Variants in MAGEA10 observed in about 807,000 individuals in gnomAD.
MAGEA10 encodes MAGE family member A10, also known as melanoma-associated antigen 10.
In MAGEA10, 7 loss-of-function variants were observed where a neutral mutation model predicts 8.6. The ratio of observed to expected loss-of-function variants is 0.82; its 90% CI spans 0.46 to 1.53. The LOEUF (loss-of-function observed/expected upper bound fraction) is 1.53, where lower values mean the gene tolerates loss of function less well. Ranked by LOEUF, MAGEA10 falls within the 40% of genes most tolerant of loss-of-function variation. MAGEA10 has a pLI of 0.01. For missense variants in MAGEA10, 293 were observed against 274.0 expected, an observed-to-expected ratio of 1.07 and a Z score of -0.49; for synonymous variants, 125 against 107.4, an observed-to-expected ratio of 1.16 and a Z score of -1.02.
At position 152,135,271 on chromosome X, in the gene MAGEA10, G is replaced by T. The variant is rs374907730; in HGVS notation, c.350C>A (p.Pro117Gln). Residue 117 changes from proline (P) to glutamine (Q), a missense_variant, in exon 4 of 4, where the codon CCA becomes CAA. Transcript: ENST00000370323. The stretch of plus-strand genomic sequence containing the variant: ...GTCTGGCAGGACCTGTAGGGTGCTT[G>T]GACTCTCCTCCTTTTGGCTGCTGGA... ...EGSSSQKEESPSTLQVLPDSE... is the reference protein window; with the variant it reads ...EGSSSQKEESQSTLQVLPDSE... The T allele has an allele frequency of 3.9e-5, 47 of 1,208,994 alleles. 1 individual carries two copies. The highest frequency in any genetic ancestry group is 3.3e-4 in the East Asian group (11 of 33,719).
rs1176582023 is a variant in MAGEA10 at position 152,134,847 on chromosome X, C to T, written c.774G>A (p.Gly258=). The T allele has an allele frequency of 2.5e-6, 3 of 1,209,450 alleles. No individual in the cohort carries two copies. The highest frequency in any genetic ancestry group is 2.2e-6 in the Non-Finnish European group (2 of 895,041). The change falls in exon 4 of 4, where the codon GGG becomes GGA. Residue 258 remains glycine, a synonymous_variant. Coordinates refer to ENST00000370323, the MANE Select transcript of MAGEA10 (RefSeq NM_021048.5). ...EALNMMGLYD[G]MEHLIYGEPR... is the part of the protein sequence containing the mutation. The stretch of plus-strand genomic sequence containing the variant: ...GCTCCCCATAAATGAGGTGCTCCAT[C>T]CCATCATACAGCCCCATCATATTCA...
rs916219815 is a variant in MAGEA10 at position 152,135,470 on chromosome X, A to C, written c.151T>G (p.Ser51Ala). Residue 51 changes from serine (S) to alanine (A), a missense_variant, in exon 4 of 4, where the codon TCT becomes GCT. By Grantham distance (99) the Ser-to-Ala change is moderately conservative (BLOSUM62 1). Coordinates refer to ENST00000370323, the MANE Select transcript of MAGEA10 (RefSeq NM_021048.5). The part of the protein sequence containing the change: ...STSTSSSFPS[S>A]FPSSSSSSSS... Reference sequence around the variant, plus strand: ...GAGGAAGAGGAGGAGGAGGGAAAAGAGGATGGAAAAGAGGAGCTGGTGGAA... The same window carrying C: ...GAGGAAGAGGAGGAGGAGGGAAAAGCGGATGGAAAAGAGGAGCTGGTGGAA... The C allele has an allele frequency of 2.5e-6, 3 of 1,197,757 alleles. No homozygotes were observed. The African/African-American group carries it at 5.3e-5, about 21-fold the overall frequency.
In MAGEA10 at chrX:152,135,438, G is replaced by GGAGGAGGAGGAA. The variant is rs1221641543; in HGVS notation, c.171_182dup (p.Ser59_Ser62dup). On this transcript the variant is annotated inframe_insertion, in exon 4 of 4. Transcript: ENST00000370323. ...TGCTTGGTATTAGAGGATAGCAGGA[G>GGAGGAGGAGGAA]GAGGAGGAGGAAGAGGAGGAGGAGG... 8.4e-7 allele frequency: 1 copy of GGAGGAGGAGGAA among 1,191,765 alleles called. No individual in the cohort carries two copies. Among genetic ancestry groups the GGAGGAGGAGGAA allele is most frequent in the African/African-American group, 1.8e-5 (1 of 56,525 alleles).
rs1289628048 is a variant in MAGEA10 at position 152,135,175 on chromosome X, T to C, written c.446A>G (p.Tyr149Cys). The C allele has an allele frequency of 8.3e-7, 1 of 1,209,960 alleles. No individual in the cohort carries two copies. ...CTTTGTGATCGGCTCCTTCATTTGA[T>C]ACTTGAAGAGCAGAAACTGCACCAA... ...TDLVQFLLFK[Y>C]QMKEPITKAE... The change falls in exon 4 of 4, where the codon TAT becomes TGT. Residue 149 changes from tyrosine (Y) to cysteine (C), a missense_variant. Coordinates refer to ENST00000370323, the MANE Select transcript of MAGEA10 (RefSeq NM_021048.5).
In MAGEA10 at chrX:152,134,877, T is replaced by C. The variant is rs1360672022; in HGVS notation, c.744A>G (p.Glu248=). The C allele has an allele frequency of 8.3e-7, 1 of 1,209,268 alleles. No homozygotes were observed. The highest frequency in any genetic ancestry group is 1.8e-5 in the African/African-American group (1 of 56,907). Residue 248 remains glutamate, a synonymous_variant, in exon 4 of 4, where the codon GAA becomes GAG. Coordinates refer to ENST00000370323, the MANE Select transcript of MAGEA10 (RefSeq NM_021048.5). ...CATACAGCCCCATCATATTCAGTGC[T>C]TCCCAGATGACCTCCTCAGGGGTGC... ...GYCTPEEVIW[E]ALNMMGLYDG...
intron 1 of MAGEA10, among the ~76,000 whole-genome samples, chrX:152,137,680 G>A (rs963151530): frequency 9.2e-6 from 1 of 108,875 alleles, no homozygotes; most frequent in South Asian, 4.1e-4. Context: ...TCTGAGATGC[G>A]GGGATCTGCT....
At chrX:152,137,635 G>A (rs1487331942) in intron 1 of MAGEA10, among the ~76,000 whole-genome samples, 1 of 109,969 alleles carries the variant, frequency 9.1e-6, no homozygotes, top group African/African-American at 3.3e-5. Flanking sequence ...CCTGCCTGGG[G>A]TTCCAGAGCT....
rs951092474 is a variant in MAGEA10, at chrX:152,136,904, T to C, written c.-173A>G. ...TTGTCAGATCCTGCGACCCACTGTGTCTGTAGAAAAGAGGGGTTCCCTGTG... is the reference window on the plus strand; with the variant it reads ...TTGTCAGATCCTGCGACCCACTGTGCCTGTAGAAAAGAGGGGTTCCCTGTG... On this transcript the variant is annotated 5_prime_UTR_variant, in exon 2 of 4. Coordinates refer to ENST00000370323, the MANE Select transcript of MAGEA10 (RefSeq NM_021048.5). The C allele has an allele frequency of 9.0e-6, 1 of 111,393 alleles. No individual in the cohort carries two copies. Among genetic ancestry groups the C allele is most frequent in the Non-Finnish European group, 1.9e-5 (1 of 53,011 alleles). The allele number at this position is 111,393 out of a possible 1,213,427, so 9.2% of individuals were successfully genotyped here.
In MAGEA10 at chrX:152,135,346, G is replaced by A. The variant is rs1185001990; in HGVS notation, c.275C>T (p.Ser92Phe). 5.0e-6 allele frequency: 6 copies of A among 1,208,044 alleles called. No homozygotes were observed. Among genetic ancestry groups the A allele is most frequent in the African/African-American group, 1.8e-5 (1 of 56,865 alleles). The part of the protein sequence containing the change: ...NPPQSAQIAC[S>F]SPSVVASLPL... The stretch of plus-strand genomic sequence containing the variant: ...AAGGGAAGCAACGACCGAGGGGGAG[G>A]AGCAGGCTATCTGAGCACTCTGGGG... Residue 92 changes from serine (S) to phenylalanine (F), a missense_variant, in exon 4 of 4, where the codon TCC (serine) becomes TTC (phenylalanine). Ser to Phe is a radical substitution (Grantham distance 155, BLOSUM62 -2). Transcript: ENST00000370323.
In MAGEA10 at chrX:152,134,607, T is replaced by G. The variant is rs756735659; in HGVS notation, c.1014A>C (p.Glu338Asp). 45 of 1,206,805 alleles carry G rather than the reference T, an allele frequency of 3.7e-5. No homozygotes were observed. The South Asian group carries it at 7.8e-4, about 21-fold the overall frequency. Residue 338 changes from glutamate to aspartate, a missense_variant, in exon 4 of 4, where the codon GAA becomes GAC. Coordinates refer to ENST00000370323, the MANE Select transcript of MAGEA10 (RefSeq NM_021048.5). ...TGGCAATTCTGTCCTGGGCTCTCTC[T>G]TCCTCATCTTTCAAAGCCTCCTCAT... ...LWYEEALKDE[E>D]ERAQDRIATT...
In MAGEA10 at chrX:152,134,994, G is replaced by A; in HGVS notation, c.627C>T (p.Leu209=). The A allele has an allele frequency of 8.3e-7, 1 of 1,211,664 alleles. No homozygotes were observed. The highest frequency in any genetic ancestry group is 3.0e-5 in the East Asian group (1 of 33,828). The part of the protein sequence containing the change: ...HSFVLVTSLG[L]TYDGMLSDVQ... ...CATCACTCAGCATCCCATCATAGGT[G>A]AGGCCCAGGGAGGTGACAAGGACAA... is the stretch of plus-strand genomic sequence containing the variant. The change falls in exon 4 of 4, where the codon CTC becomes CTT. Residue 209 remains leucine, a synonymous_variant. Coordinates refer to ENST00000370323, the MANE Select transcript of MAGEA10 (RefSeq NM_021048.5).
At position 152,133,537 on chromosome X, in the gene MAGEA10, A is replaced by C. The variant is rs1261577415; in HGVS notation, c.*974T>G. The C allele has an allele frequency of 8.9e-6, 1 of 112,225 alleles. No individual in the cohort carries two copies. Among genetic ancestry groups the C allele is most frequent in the African/African-American group, 3.2e-5 (1 of 30,856 alleles). 9.2% of individuals were successfully genotyped at this position (112,225 alleles called of 1,213,427 possible). A position where few individuals can be genotyped will look rare whatever the true frequency, so the allele number is the denominator to read the frequency against. On this transcript the variant is annotated 3_prime_UTR_variant, in exon 4 of 4. Coordinates refer to ENST00000370323, the MANE Select transcript of MAGEA10 (RefSeq NM_021048.5). ...GGAAGGGTTCCCAATTTGTTTTACA[A>C]AATAGCAAAACTGTTTCTTAAACTG...
In MAGEA10 at chrX:152,135,440, A is replaced by G; in HGVS notation, c.181T>C (p.Ser61Pro). Residue 61 changes from serine (S) to proline (P), a missense_variant, in exon 4 of 4, where the codon TCC becomes CCC. By Grantham distance (74) the Ser-to-Pro change is moderately conservative. Transcript: ENST00000370323. ...CTTGGTATTAGAGGATAGCAGGAGG[A>G]GGAGGAGGAAGAGGAGGAGGAGGGA... Reference protein sequence around the residue: ...SFPSSSSSSSSSCYPLIPSTP... With the variant: ...SFPSSSSSSSPSCYPLIPSTP... 8.4e-7 allele frequency: 1 copy of G among 1,193,485 alleles called. No individual in the cohort carries two copies. The highest frequency in any genetic ancestry group is 3.0e-5 in the East Asian group (1 of 33,680).
chrX:152,138,317 G>A (rs1431233810), intron 1 of MAGEA10, among the ~76,000 whole-genome samples, 158 bp downstream of exon 1: 1 of 96,446 alleles, frequency 1.0e-5, no homozygotes, highest in Non-Finnish European at 2.1e-5. Flanking sequence ...CGGCTTAAGC[G>A]GCGGGAGAGA....
intron 2 of MAGEA10, among the ~76,000 whole-genome samples, chrX:152,136,328 A>G (rs967931194): frequency 4.5e-5 from 5 of 111,797 alleles, no homozygotes; most frequent in African/African-American, 1.6e-4. Flanking sequence ...GAGGGGACCC[A>G]CATCTGGCCA....
intron 2 of MAGEA10, 130 bp downstream of exon 2, chrX:152,136,741 G>T: frequency 8.8e-6 from 1 of 113,524 alleles, no homozygotes; most frequent in Non-Finnish European, 1.9e-5. Flanking sequence ...CCTTGTATAA[G>T]ACAGGGAGAC....
chrX:152,135,613 C>G lies in MAGEA10; in HGVS notation c.8G>C (p.Arg3Pro). Residue 3 changes from arginine (R) to proline (P), a missense_variant, in exon 4 of 4, where the codon CGA becomes CCA. Arg to Pro is a moderately radical substitution (Grantham distance 103). Transcript: ENST00000370323. ...CATGCAGCGCTGACGCTTTGGAGCT[C>G]GAGGCATGATGACTCTGATCAGGGT... is the stretch of plus-strand genomic sequence containing the variant. The part of the protein sequence containing the change: MP[R>P]APKRQRCMPE... The G allele has an allele frequency of 8.8e-7, 1 of 1,133,433 alleles. No homozygotes were observed. Among genetic ancestry groups the G allele is most frequent in the East Asian group, 3.0e-5 (1 of 33,124 alleles). 93.4% of individuals were successfully genotyped at this position (1,133,433 alleles called of 1,213,427 possible).
chrX:152,135,450 A>AGAG lies in MAGEA10; in HGVS notation c.168_170dup (p.Ser62dup). 2 of 1,195,091 alleles carry AGAG rather than the reference A, an allele frequency of 1.7e-6. No individual in the cohort carries two copies. The highest frequency in any genetic ancestry group is 1.1e-6 in the Non-Finnish European group (1 of 887,372). ...GAGGATAGCAGGAGGAGGAGGAGGA[A>AGAG]GAGGAGGAGGAGGGAAAAGAGGATG... On this transcript the variant is annotated inframe_insertion, in exon 4 of 4. Coordinates refer to ENST00000370323, the MANE Select transcript of MAGEA10 (RefSeq NM_021048.5).
rs1341935388 is a variant in MAGEA10, at chrX:152,135,235, A to G, written c.386T>C (p.Leu129Ser). 5.8e-6 allele frequency: 7 copies of G among 1,208,300 alleles called. No homozygotes were observed. Among genetic ancestry groups the G allele is most frequent in the Non-Finnish European group, 6.7e-6 (6 of 894,288 alleles). Reference sequence around the variant, plus strand: ...CTTTTCATCTATCTCACTTCTGGGTAAAGACTCACTGTCTGGCAGGACCTG... The same window carrying G: ...CTTTTCATCTATCTCACTTCTGGGTGAAGACTCACTGTCTGGCAGGACCTG... Reference protein sequence around the residue: ...TLQVLPDSESLPRSEIDEKVT... With the variant: ...TLQVLPDSESSPRSEIDEKVT... The change falls in exon 4 of 4, where the codon TTA (leucine) becomes TCA (serine). Residue 129 changes from leucine (L) to serine (S), a missense_variant. By Grantham distance (145) the Leu-to-Ser change is moderately radical (BLOSUM62 -2). Coordinates refer to ENST00000370323, the MANE Select transcript of MAGEA10 (RefSeq NM_021048.5).
Sources: allele counts gnomAD v4.1 joint callset (sites outside exome capture counted in the v4.1 genomes callset), GRCh38; gene constraint gnomAD v4.1.1; transcripts MANE v1.5; gene names NCBI Gene and HGNC (gene_info 2026-07-23, HGNC 2026-07-21).